VPS54: variants seen among roughly 807,000 people sequenced by gnomAD.
VPS54 encodes the protein vacuolar protein sorting-associated protein 54.
In VPS54, 45 loss-of-function variants were observed where a neutral mutation model predicts 121.5. The observed-to-expected ratio is 0.37, with a 90% CI of 0.29 to 0.47. VPS54 has a LOEUF of 0.47. Ranked by LOEUF, VPS54 falls within the 20% of genes least tolerant of loss-of-function variation. The probability of loss-of-function intolerance (pLI) is 0.99; values close to 1 mark genes in which losing one functional copy is unlikely to be tolerated. For missense variants in VPS54, 1,090 were observed against 1,131.4 expected (o/e 0.96, Z 0.52); for synonymous variants, 371 against 385.8 (o/e 0.96, Z 0.45).
chr2:63,966,433 A>G lies in VPS54; in HGVS notation c.493-467T>C, dbSNP rs1321709720. ...AAATATTAAAACCAAAACAAATTCA[A>G]TTTTATGAATAGACTACTCTTCCCT... On this transcript the variant is annotated intron_variant, in intron 5 of 22. Coordinates refer to ENST00000272322, the MANE Select transcript of VPS54 (RefSeq NM_016516.3). 2.0e-5 allele frequency among the ~76,000 whole-genome samples: 3 copies of G among 152,204 alleles called. No homozygotes were observed. In the East Asian group the frequency reaches 5.8e-4, roughly 29 times the overall value.
chr2:63,974,525 T>C (rs936801035), intron 3 of VPS54, among the ~76,000 whole-genome samples: 4 of 152,198 alleles, frequency 2.6e-5, no homozygotes, highest in African/African-American at 9.6e-5. Flanking sequence ...ATTGATCAAG[T>C]TGGGAAAAAG....
chr2:63,944,308 G>C (rs1409511199), intron 10 of VPS54, among the ~76,000 whole-genome samples: 1 of 151,714 alleles, frequency 6.6e-6, no homozygotes. Flanking sequence ...AGGAGTAAAG[G>C]TACCTACTCC....
rs528281701 is a variant in VPS54 at position 63,983,116 on chromosome 2, TA to T, written c.136+747del. 2.4e-3 allele frequency among the ~76,000 whole-genome samples: 360 copies of T among 151,428 alleles called. 1 individual carries two copies. The highest frequency in any genetic ancestry group is 4.6e-3 in the South Asian group (22 of 4,802). On this transcript the variant is annotated intron_variant, in intron 2 of 22. Transcript: ENST00000272322. Reference sequence around the variant, plus strand: ...TATATAAGTAATGCATGAAATACATTAAAAAAAAATTTCAATTTCCCAATCA... The same window carrying T: ...TATATAAGTAATGCATGAAATACATTAAAAAAAATTTCAATTTCCCAATCA...
Position 63,930,226 on chromosome 2 carries a change from G to A in VPS54, c.1739+3447C>T, listed in dbSNP as rs532856475. 6.6e-5 allele frequency among the ~76,000 whole-genome samples: 10 copies of A among 152,084 alleles called. No individual in the cohort carries two copies. The South Asian group carries it at 2.1e-3, about 32-fold the overall frequency. On this transcript the variant is annotated intron_variant, in intron 12 of 22. Coordinates refer to ENST00000272322, the MANE Select transcript of VPS54 (RefSeq NM_016516.3). ...ACACAACAAAAAAAGAGAATTTTAG[G>A]CCAATATCCCTGATGAACATCGATG...
chr2:63,919,800 T>C (rs1386359877), intron 15 of VPS54, 83 bp downstream of exon 15: 1 of 984,064 alleles, frequency 1.0e-6, no homozygotes, highest in African/African-American at 1.7e-5. Flanking sequence ...ATAGGCATTG[T>C]CAACTAAAGA....
intron 20 of VPS54, among the ~76,000 whole-genome samples, chr2:63,904,438 CAAAAAAA>C (rs58651830): frequency 3.5e-4 from 7 of 19,922 alleles, no homozygotes; most frequent in Admixed American, 9.6e-4. Flanking sequence ...GACTTGGTCT[CAAAAAAA>C]AAAAAAAAAA....
chr2:64,014,314 A>C (rs1383328591), intron 1 of VPS54, among the ~76,000 whole-genome samples: 2 of 152,240 alleles, frequency 1.3e-5, no homozygotes, highest in Non-Finnish European at 2.9e-5. Flanking sequence ...AAACTTTTTG[A>C]ATAAGTCACT....
chr2:63,938,059 G>GTGTGTGTGTGTGTGT (rs9309357), intron 11 of VPS54, among the ~76,000 whole-genome samples: 4 of 140,384 alleles, frequency 2.8e-5, no homozygotes, highest in African/African-American at 1.1e-4. Flanking sequence ...TGGTGTGTGT[G>GTGTGTGTGTGTGTGT]GTGTGTGTGT....
At chr2:63,901,358 A>T (rs901306062) in intron 20 of VPS54, among the ~76,000 whole-genome samples, 1 of 152,226 alleles carries the variant, frequency 6.6e-6, no homozygotes, top group African/African-American at 2.4e-5. Flanking sequence ...CAAGAGAAGC[A>T]AGTAAGATGA....
intron 6 of VPS54, among the ~76,000 whole-genome samples, chr2:63,964,538 T>C (rs891761205): frequency 4.6e-5 from 7 of 152,212 alleles, no homozygotes; most frequent in African/African-American, 1.7e-4. Flanking sequence ...AAAGCCTGTG[T>C]CATGAGCAAG....
intron 1 of VPS54, among the ~76,000 whole-genome samples, chr2:63,989,155 T>C (rs185189286): frequency 3.3e-5 from 5 of 152,278 alleles, no homozygotes; most frequent in Non-Finnish European, 7.4e-5. Flanking sequence ...ACCGGCTATC[T>C]TCTCTCAAAC....
intron 11 of VPS54, among the ~76,000 whole-genome samples, chr2:63,936,992 AC>A (rs1277087922): frequency 6.6e-6 from 1 of 152,186 alleles, no homozygotes; most frequent in Non-Finnish European, 1.5e-5. Flanking sequence ...ACCTATAAAA[AC>A]AAACTAAAGT....
chr2:63,990,866 C>A (rs1241701605), intron 1 of VPS54, among the ~76,000 whole-genome samples: 2 of 152,204 alleles, frequency 1.3e-5, no homozygotes, highest in Non-Finnish European at 2.9e-5. Flanking sequence ...TGCTTGTACT[C>A]AGTATGGTCC....
chr2:63,941,612 G>A (rs369975112), intron 11 of VPS54, among the ~76,000 whole-genome samples: 4 of 152,126 alleles, frequency 2.6e-5, no homozygotes, highest in South Asian at 2.1e-4. Context: ...AAAATGATAC[G>A]TGACCTGTTC....
intron 7 of VPS54, 78 bp from the exon 8 acceptor site, chr2:63,949,241 G>C: frequency 6.9e-7 from 1 of 1,451,506 alleles, no homozygotes; most frequent in Non-Finnish European, 9.2e-7. Context: ...GGAACTAGTA[G>C]GTAAAACTTT....
chr2:63,933,407 A>T (rs1270385067), intron 12 of VPS54, among the ~76,000 whole-genome samples: 1 of 152,122 alleles, frequency 6.6e-6, no homozygotes, highest in Non-Finnish European at 1.5e-5. Flanking sequence ...GGCATCAATT[A>T]CCTTATCACT....
chr2:63,983,833 G>A, intron 2 of VPS54, 31 bp downstream of exon 2: 1 of 1,569,252 alleles, frequency 6.4e-7, no homozygotes, highest in East Asian at 2.3e-5. Flanking sequence ...GAAATCATCA[G>A]TAAAAATCCT....
At chr2:63,899,844 G>C (rs1203779936) in intron 20 of VPS54, among the ~76,000 whole-genome samples, 1 of 152,098 alleles carries the variant, frequency 6.6e-6, no homozygotes, top group Admixed American at 6.6e-5. Context: ...CAGACTGCTG[G>C]GTTCAGATCC....
chr2:63,957,756 T>C (rs544000680), intron 7 of VPS54, among the ~76,000 whole-genome samples: 4 of 152,294 alleles, frequency 2.6e-5, no homozygotes, highest in Admixed American at 2.6e-4. Flanking sequence ...AGGAAGATGC[T>C]ACCACTTTAA....
Sources: allele counts gnomAD v4.1 joint callset (sites outside exome capture counted in the v4.1 genomes callset), GRCh38; gene constraint gnomAD v4.1.1; transcripts MANE v1.5; gene names NCBI Gene and HGNC (gene_info 2026-07-23, HGNC 2026-07-21).